Variants in DNAH14 observed in about 807,000 individuals in gnomAD.
The protein encoded by DNAH14 is dynein axonemal heavy chain 14.
A neutral mutation model predicts 520.9 loss-of-function variants in DNAH14; 478 were observed. The observed-to-expected ratio is 0.92, with a 90% confidence interval of 0.85 to 0.99. The LOEUF is 0.99. Among genes scored for constraint, DNAH14 ranks in the 50% least tolerant of loss-of-function variants. The pLI, the probability that DNAH14 is intolerant of heterozygous loss-of-function variation, is 0.00. For missense variants in DNAH14, 4,831 were observed against 5,234.5 expected (o/e 0.92, Z 2.38); for synonymous variants, 1,581 against 1,757.2 (o/e 0.90, Z 2.51).
Position 225,322,650 on chromosome 1 carries a change from A to G in DNAH14, c.9336-14A>G, listed in dbSNP as rs1244064556. On this transcript the variant is annotated splice_polypyrimidine_tract_variant and intron_variant, in intron 61 of 85. Coordinates refer to ENST00000682510, the MANE Select transcript of DNAH14 (RefSeq NM_001367479.1). ...TAATTGTGAAGTTGATGAGATTTTCATCATCTATTACAGAGTATACACACG... is the reference window on the plus strand; with the variant it reads ...TAATTGTGAAGTTGATGAGATTTTCGTCATCTATTACAGAGTATACACACG... 2 of 1,437,148 alleles carry G rather than the reference A, an allele frequency of 1.4e-6. No individual in the cohort carries two copies. The highest frequency in any genetic ancestry group is 1.6e-5 in the South Asian group (1 of 62,912). The allele number at this position is 1,437,148 out of a possible 1,614,324, so 89.0% of individuals were successfully genotyped here. A position where few individuals can be genotyped will look rare whatever the true frequency, so the allele number is the denominator to read the frequency against.
At chr1:224,974,478 C>G (rs1317560001) in intron 8 of DNAH14, among the ~76,000 whole-genome samples, 1 of 152,048 alleles carries the variant, frequency 6.6e-6, no homozygotes. Context: ...TCTCCATCAG[C>G]CAAATGTTTT....
chr1:224,987,398 G>C (rs2125731259), intron 8 of DNAH14, among the ~76,000 whole-genome samples: 1 of 152,292 alleles, frequency 6.6e-6, no homozygotes, highest in East Asian at 1.9e-4. Context: ...ATTGGATGAG[G>C]CCTGTCTCAG....
chr1:225,007,342 C>A, intron 9 of DNAH14, 71 bp from the exon 10 acceptor site: 1 of 1,281,972 alleles, frequency 7.8e-7, no homozygotes, highest in Non-Finnish European at 1.0e-6. Context: ...CCTGAAAAGA[C>A]CAAATATTTT....
At chr1:225,256,502 TA>T (rs2092741476) in intron 44 of DNAH14, among the ~76,000 whole-genome samples, 1 of 152,012 alleles carries the variant, frequency 6.6e-6, no homozygotes, top group South Asian at 2.1e-4. Context: ...TACAGAAAAC[TA>T]AGTTTAACGA....
At chr1:225,120,247 G>C (rs1437080329) in intron 26 of DNAH14, among the ~76,000 whole-genome samples, 1 of 152,166 alleles carries the variant, frequency 6.6e-6, no homozygotes, top group Non-Finnish European at 1.5e-5. Context: ...GCTGTCTTCT[G>C]TTCCTGGATG....
chr1:225,328,214 T>C (rs2094718317), intron 64 of DNAH14, among the ~76,000 whole-genome samples: 1 of 152,228 alleles, frequency 6.6e-6, no homozygotes, highest in South Asian at 2.1e-4. Context: ...AAAAGCATTA[T>C]GTTACATATA....
intron 23 of DNAH14, among the ~76,000 whole-genome samples, chr1:225,103,520 G>A (rs2148753482): frequency 6.6e-6 from 1 of 152,226 alleles, no homozygotes; most frequent in Admixed American, 6.5e-5. Context: ...TTCTACCCAT[G>A]AGCATGGAAT....
At position 225,100,717 on chromosome 1, in the gene DNAH14, C is replaced by G; in HGVS notation, c.3700C>G (p.Leu1234Val). 6.7e-7 allele frequency: 1 copy of G among 1,488,938 alleles called. No individual in the cohort carries two copies. The allele number at this position is 1,488,938 out of a possible 1,614,324, so 92.2% of individuals were successfully genotyped here. The change falls in exon 23 of 86, where the codon CTC (leucine) becomes GTC (valine). Residue 1234 changes from leucine to valine, a missense_variant. Transcript: ENST00000682510. ...VFHSSEIRRQLPAETELFSQV... is the reference protein window; with the variant it reads ...VFHSSEIRRQVPAETELFSQV... ...CATCTAATTTTTTTTCTAAAGGCAA[C>G]TCCCAGCAGAAACAGAACTTTTCTC...
At chr1:225,141,838 T>C (rs2079492684) in intron 28 of DNAH14, among the ~76,000 whole-genome samples, 1 of 152,124 alleles carries the variant, frequency 6.6e-6, no homozygotes, top group Admixed American at 6.5e-5. Context: ...TATGAAAGTA[T>C]AGAAAATTAG....
At chr1:224,989,338 TG>T (rs1322880527) in intron 8 of DNAH14, among the ~76,000 whole-genome samples, 1 of 152,220 alleles carries the variant, frequency 6.6e-6, no homozygotes, top group African/African-American at 2.4e-5. Context: ...TAATTATAAA[TG>T]GGATTGAGTA....
At chr1:225,128,709 C>T (rs2078048009) in intron 27 of DNAH14, among the ~76,000 whole-genome samples, 2 of 152,240 alleles carry the variant, frequency 1.3e-5, no homozygotes, top group South Asian at 2.1e-4. Flanking sequence ...CAGCCAATAT[C>T]GTACTGAATG....
chr1:225,100,153 G>A lies in DNAH14; in HGVS notation c.3696-560G>A, dbSNP rs575066144. On this transcript the variant is annotated intron_variant, in intron 22 of 85. Transcript: ENST00000682510. ...AGGGAGAAAATAATGATAATCTTCT[G>A]TAAAGGAAAATTTATACACCAAGGC... 3.9e-5 allele frequency among the ~76,000 whole-genome samples: 6 copies of A among 152,126 alleles called. No homozygotes were observed. The South Asian group carries it at 1.2e-3, about 32-fold the overall frequency.
At chr1:225,173,853 A>G (rs1222758159) in intron 36 of DNAH14, among the ~76,000 whole-genome samples, 1 of 152,346 alleles carries the variant, frequency 6.6e-6, no homozygotes, top group East Asian at 1.9e-4. Context: ...AAGACTTGGA[A>G]CCAATCCAAA....
chr1:225,342,947 G>A lies in DNAH14; in HGVS notation c.10678+2246G>A, dbSNP rs141238031. 1.7e-3 allele frequency among the ~76,000 whole-genome samples: 260 copies of A among 151,474 alleles called. 1 individual carries two copies. The highest frequency in any genetic ancestry group is 5.9e-3 in the African/African-American group (243 of 41,278). The stretch of plus-strand genomic sequence containing the variant: ...GGTAGCCCATTCCTTATCATCCAGA[G>A]CTGGAACCACATTCACCACGCTGCC... On this transcript the variant is annotated intron_variant, in intron 69 of 85. Transcript: ENST00000682510.
chr1:225,017,210 CTTAAG>C (rs1392205467), intron 10 of DNAH14, among the ~76,000 whole-genome samples: 4 of 152,084 alleles, frequency 2.6e-5, no homozygotes, highest in South Asian at 4.1e-4. Flanking sequence ...ATTTCCAAAA[CTTAAG>C]TTATCTGCTT....
At chr1:225,393,814 G>GTTTTT (rs1354333069) in intron 84 of DNAH14, among the ~76,000 whole-genome samples, 3 of 143,120 alleles carry the variant, frequency 2.1e-5, no homozygotes, top group Non-Finnish European at 3.0e-5. Flanking sequence ...ATCTTTTTTT[G>GTTTTT]TTTTTTTTTT....
chr1:225,128,245 T>A (rs1298200725), intron 27 of DNAH14, among the ~76,000 whole-genome samples: 4 of 151,844 alleles, frequency 2.6e-5, no homozygotes, highest in Admixed American at 2.6e-4. Flanking sequence ...TGAATCTGAA[T>A]GTTGGCCTGC....
At chr1:225,038,416 T>C (rs1264183996) in intron 11 of DNAH14, among the ~76,000 whole-genome samples, 1 of 152,078 alleles carries the variant, frequency 6.6e-6, no homozygotes, top group African/African-American at 2.4e-5. Context: ...ATTTATTATT[T>C]ATTATTTTCT....
chr1:225,048,599 A>T (rs1028239512), intron 15 of DNAH14, among the ~76,000 whole-genome samples: 1 of 152,236 alleles, frequency 6.6e-6, no homozygotes, highest in African/African-American at 2.4e-5. Context: ...GATGTATCGC[A>T]GATTGCTTAT....
Sources: gnomAD v4.1 joint callset for allele counts (sites outside exome capture counted in the v4.1 genomes callset) on GRCh38, gnomAD v4.1.1 for gene constraint, MANE v1.5 for transcripts, NCBI Gene and HGNC (gene_info 2026-07-23, HGNC 2026-07-21) for gene names.